EIF5A2: variants seen among roughly 807,000 people sequenced by gnomAD.
EIF5A2 encodes the protein eukaryotic translation initiation factor 5A2.
In EIF5A2, 15 loss-of-function variants were observed where a neutral mutation model predicts 16.4. That is an observed-to-expected ratio of 0.92 (90% CI 0.61 to 1.41). The LOEUF (loss-of-function observed/expected upper bound fraction) is 1.41, where lower values mean the gene tolerates loss of function less well. EIF5A2 is among the 40% of genes most tolerant of loss of function. EIF5A2 has a pLI of 0.00. For missense variants in EIF5A2, 144 were observed against 189.5 expected (o/e 0.76, Z 1.41); for synonymous variants, 48 against 61.1 (o/e 0.79, Z 1.00).
At chr3:170,894,499 C>G in intron 3 of EIF5A2, 76 bp from the exon 4 acceptor site, 1 of 1,316,312 alleles carries the variant, frequency 7.6e-7, no homozygotes, top group Non-Finnish European at 1.1e-6. Flanking sequence ...AGTTAAATTG[C>G]AATTGATATT....
At chr3:170,894,808 T>G (rs914358800) in intron 3 of EIF5A2, among the ~76,000 whole-genome samples, 1 of 150,946 alleles carries the variant, frequency 6.6e-6, no homozygotes, top group African/African-American at 2.4e-5. Context: ...GGGCGGATCA[T>G]GAGGTCAGGA....
chr3:170,894,606 T>C (rs941885779), intron 3 of EIF5A2, among the ~76,000 whole-genome samples, 183 bp from the exon 4 acceptor site: 2 of 152,134 alleles, frequency 1.3e-5, no homozygotes, highest in Admixed American at 6.5e-5. Context: ...GAAATATAAG[T>C]TTACTCCTCC....
intron 3 of EIF5A2, among the ~76,000 whole-genome samples, chr3:170,898,681 C>G (rs1466160688): frequency 6.6e-6 from 1 of 152,084 alleles, no homozygotes; most frequent in Admixed American, 6.6e-5. Context: ...TGAAAATGGA[C>G]TAATACAATC....
chr3:170,895,163 C>T (rs2108292608), intron 3 of EIF5A2, among the ~76,000 whole-genome samples: 1 of 151,716 alleles, frequency 6.6e-6, no homozygotes, highest in Admixed American at 6.6e-5. Context: ...TCTGCATGGA[C>T]ATACTATTAC....
chr3:170,904,890 A>G (rs902037303), intron 3 of EIF5A2, among the ~76,000 whole-genome samples: 1 of 152,220 alleles, frequency 6.6e-6, no homozygotes, highest in African/African-American at 2.4e-5. Context: ...CTTTATAAAG[A>G]AAGAAATGGA....
chr3:170,889,462 A>G lies in EIF5A2; in HGVS notation c.*3898T>C, dbSNP rs1712475640. 2 of 152,418 alleles carry G rather than the reference A, an allele frequency of 1.3e-5. No homozygotes were observed. The highest frequency in any genetic ancestry group is 4.1e-4 in the South Asian group (2 of 4,830). 9.4% of individuals were successfully genotyped at this position (152,418 alleles called of 1,614,324 possible). On this transcript the variant is annotated 3_prime_UTR_variant, in exon 5 of 5. Transcript: ENST00000295822. ...GTCTCAATTTTTAAGGTTTTCCACC[A>G]TAAATTTTTCTTAAATCTTTGTTGC...
chr3:170,896,824 A>T (rs1712686258), intron 3 of EIF5A2, among the ~76,000 whole-genome samples: 1 of 152,216 alleles, frequency 6.6e-6, no homozygotes, highest in South Asian at 2.1e-4. Flanking sequence ...TAGAGGGCTC[A>T]GAAGAAAGAA....
At chr3:170,898,630 C>CT (rs36075751) in intron 3 of EIF5A2, among the ~76,000 whole-genome samples, 35,545 of 152,014 alleles carry the variant, frequency 0.23, 4,185 homozygotes, top group Middle Eastern at 0.28. Context: ...AATCTCTTTT[C>CT]TTATAAGTTA....
At chr3:170,901,121 A>G (rs1232707872) in intron 3 of EIF5A2, among the ~76,000 whole-genome samples, 6 of 152,236 alleles carry the variant, frequency 3.9e-5, no homozygotes, top group East Asian at 3.8e-4. Flanking sequence ...GTTAAAAAAC[A>G]AGGAAATGCA....
chr3:170,907,033 T>C lies in EIF5A2; in HGVS notation c.226A>G (p.Thr76Ala). The C allele has an allele frequency of 6.2e-7, 1 of 1,612,752 alleles. No homozygotes were observed. The highest frequency in any genetic ancestry group is 8.5e-7 in the Non-Finnish European group (1 of 1,179,328). ...ATATTTGGAACATCCATGTTGTGAG[T>C]AGAAGGACAAATATCTTCATATTTT... ...GKKYEDICPS[T>A]HNMDVPNIKR... Residue 76 changes from threonine (T) to alanine (A), a missense_variant, in exon 3 of 5, where the codon ACT becomes GCT. By Grantham distance (58) the Thr-to-Ala change is moderately conservative. Coordinates refer to ENST00000295822, the MANE Select transcript of EIF5A2 (RefSeq NM_020390.6).
intron 3 of EIF5A2, among the ~76,000 whole-genome samples, chr3:170,904,224 G>A (rs1472451795): frequency 1.3e-5 from 2 of 152,196 alleles, no homozygotes; most frequent in African/African-American, 4.8e-5. Flanking sequence ...GAAGTTAGGA[G>A]ACAATTTTTC....
chr3:170,907,251 A>G (rs980344871), intron 2 of EIF5A2, among the ~76,000 whole-genome samples, 158 bp from the exon 3 acceptor site: 1 of 152,222 alleles, frequency 6.6e-6, no homozygotes, highest in Non-Finnish European at 1.5e-5. Flanking sequence ...TGGTCTTACA[A>G]TTAAGAGGCA....
intron 3 of EIF5A2, among the ~76,000 whole-genome samples, chr3:170,905,811 G>C (rs1712921852): frequency 6.6e-6 from 1 of 151,992 alleles, no homozygotes; most frequent in African/African-American, 2.4e-5. Flanking sequence ...TGAGAAAACA[G>C]GCTCAGAAAG....
chr3:170,893,159 C>A lies in EIF5A2; in HGVS notation c.*201G>T, dbSNP rs1163878162. ...AGGAATATTATAGGAAACATATCTACAAAATTCAAAAAAAATTATACATAT... is the reference window on the plus strand; with the variant it reads ...AGGAATATTATAGGAAACATATCTAAAAAATTCAAAAAAAATTATACATAT... On this transcript the variant is annotated 3_prime_UTR_variant, in exon 5 of 5. Coordinates refer to ENST00000295822, the MANE Select transcript of EIF5A2 (RefSeq NM_020390.6). 1 of 464,622 alleles carries A rather than the reference C, an allele frequency of 2.2e-6. No homozygotes were observed. The highest frequency in any genetic ancestry group is 2.0e-5 in the African/African-American group (1 of 49,454). 28.8% of individuals were successfully genotyped at this position (464,622 alleles called of 1,614,324 possible).
chr3:170,899,913 A>C lies in EIF5A2; in HGVS notation c.271-5490T>G, dbSNP rs915423095. Reference sequence around the variant, plus strand: ...TTTAAACAAACCTACTGATTTGATCACTTTTAGATGTTTTTGAACATTTTT... The same window carrying C: ...TTTAAACAAACCTACTGATTTGATCCCTTTTAGATGTTTTTGAACATTTTT... On this transcript the variant is annotated intron_variant, in intron 3 of 4. Coordinates refer to ENST00000295822, the MANE Select transcript of EIF5A2 (RefSeq NM_020390.6). Among the ~76,000 whole-genome samples, 3 of 151,376 alleles carry C rather than the reference A, an allele frequency of 2.0e-5. No homozygotes were observed. The East Asian group carries it at 5.8e-4, about 29-fold the overall frequency.
At position 170,892,553 on chromosome 3, in the gene EIF5A2, C is replaced by T. The variant is rs994608195; in HGVS notation, c.*807G>A. The T allele has an allele frequency of 6.6e-5, 25 of 378,906 alleles. No homozygotes were observed. Among genetic ancestry groups the T allele is most frequent in the Admixed American group, 6.3e-4 (14 of 22,172 alleles). 23.5% of individuals were successfully genotyped at this position (378,906 alleles called of 1,614,324 possible). On this transcript the variant is annotated 3_prime_UTR_variant, in exon 5 of 5. Coordinates refer to ENST00000295822, the MANE Select transcript of EIF5A2 (RefSeq NM_020390.6). ...TGTAAAGCAGATCACTCCCTTTAAA[C>T]GTTGGGGGCAAAGTTAAAAGCAAAA...
rs1343196652 is a variant in EIF5A2 at position 170,890,983 on chromosome 3, CAT to C, written c.*2375_*2376del. On this transcript the variant is annotated 3_prime_UTR_variant, in exon 5 of 5. Coordinates refer to ENST00000295822, the MANE Select transcript of EIF5A2 (RefSeq NM_020390.6). ...ACTTATATATCGAGTATTTACACTT[CAT>C]ATATTACTTAAAATGAAAATATTTA... 1.3e-5 allele frequency: 2 copies of C among 152,508 alleles called. No individual in the cohort carries two copies. The highest frequency in any genetic ancestry group is 2.4e-5 in the African/African-American group (1 of 41,416). 9.4% of individuals were successfully genotyped at this position (152,508 alleles called of 1,614,324 possible). A position where few individuals can be genotyped will look rare whatever the true frequency, so the allele number is the denominator to read the frequency against.
intron 3 of EIF5A2, among the ~76,000 whole-genome samples, chr3:170,900,265 G>A (rs1712777230): frequency 6.6e-6 from 1 of 151,280 alleles, no homozygotes; most frequent in African/African-American, 2.4e-5. Flanking sequence ...TACTTGGGAG[G>A]CTGAGGCAGG....
rs1560008573 is a variant in EIF5A2 at position 170,892,144 on chromosome 3, G to A, written c.*1216C>T. 1 of 152,372 alleles carries A rather than the reference G, an allele frequency of 6.6e-6. No homozygotes were observed. The highest frequency in any genetic ancestry group is 1.5e-5 in the Non-Finnish European group (1 of 67,988). 9.4% of individuals were successfully genotyped at this position (152,372 alleles called of 1,614,324 possible). ...AATCTACTTAGAAATGGTTGGAAAG[G>A]GGCTGGGTGTGGTGGCTCATGCCTG... On this transcript the variant is annotated 3_prime_UTR_variant, in exon 5 of 5. Coordinates refer to ENST00000295822, the MANE Select transcript of EIF5A2 (RefSeq NM_020390.6).
Sources: gnomAD v4.1 joint callset for allele counts (sites outside exome capture counted in the v4.1 genomes callset) on GRCh38, gnomAD v4.1.1 for gene constraint, MANE v1.5 for transcripts, NCBI Gene and HGNC (gene_info 2026-07-23, HGNC 2026-07-21) for gene names.